Variants in RPH3AL observed in about 807,000 individuals in gnomAD.
RPH3AL encodes the protein rab effector Noc2.
Under a neutral mutation model 43.1 loss-of-function variants are expected in RPH3AL, and 38 were observed. The ratio of observed to expected loss-of-function variants is 0.88; its 90% CI spans 0.68 to 1.15. The LOEUF is 1.15. Among genes scored for constraint, RPH3AL ranks in the 50% most tolerant of loss-of-function variants. RPH3AL has a pLI of 0.00. For synonymous variants in RPH3AL, 189 were observed against 176.3 expected (o/e 1.07, Z -0.57); for missense variants, 462 against 423.2 (o/e 1.09, Z -0.81).
At chr17:332,129 C>A (rs375504212) in intron 2 of RPH3AL, 6 of 346,088 alleles carry the variant, frequency 1.7e-5, no homozygotes, top group East Asian at 1.5e-4. Context: ...GCTGGTGGAG[C>A]TCTGCGGGGA....
intron 5 of RPH3AL, among the ~76,000 whole-genome samples, chr17:314,334 C>A (rs911787760): frequency 1.3e-5 from 2 of 152,140 alleles, no homozygotes; most frequent in Non-Finnish European, 2.9e-5. Flanking sequence ...AGGAAGCACA[C>A]TGCCAGCTCC....
chr17:250,105 A>G (rs1354547116), intron 6 of RPH3AL, among the ~76,000 whole-genome samples: 1 of 143,212 alleles, frequency 7.0e-6, no homozygotes. Flanking sequence ...CAGAGCCTTT[A>G]CTAAGCTCCA....
At chr17:214,071 G>C (rs534152296) in intron 9 of RPH3AL, 148 bp from the exon 10 acceptor site, 2 of 641,680 alleles carry the variant, frequency 3.1e-6, no homozygotes, top group Middle Eastern at 4.2e-4. Flanking sequence ...GCCCGAGCTC[G>C]AGACCAGCAC....
intron 6 of RPH3AL, among the ~76,000 whole-genome samples, chr17:272,995 TGAGACCCCAGCGAGGGCGACATCAGGAA>T (rs1567604533): frequency 0.013 from 436 of 32,630 alleles, 4 homozygotes; most frequent in South Asian, 0.024. Context: ...TACGTCAGGG[TGAGACCCCAGCGAGGGCGACATCAGGAA>T]GAGACCCCAG....
chr17:337,787 C>A lies in RPH3AL; in HGVS notation c.-212-3853G>T, dbSNP rs574079288. On this transcript the variant is annotated intron_variant, in intron 1 of 9. Coordinates refer to ENST00000331302, the MANE Select transcript of RPH3AL (RefSeq NM_006987.4). ...GGGCTGGGCAGGGGTTTTTTTTGTA[C>A]CCCGGCAAGGCCCCTCATGGGGCAC... 2.6e-5 allele frequency among the ~76,000 whole-genome samples: 4 copies of A among 152,308 alleles called. No individual in the cohort carries two copies. The East Asian group carries it at 5.8e-4, about 22-fold the overall frequency.
Position 246,608 on chromosome 17 carries a change from CT to C in RPH3AL, c.613+502del, listed in dbSNP as rs1306750527. On this transcript the variant is annotated intron_variant, in intron 7 of 9. Coordinates refer to ENST00000331302, the MANE Select transcript of RPH3AL (RefSeq NM_006987.4). The surrounding 1 kb of genome is among the most constrained non-coding windows in gnomAD (Gnocchi z 4.8). ...CATCGTTGCCAAGTGGGGCGGCCAC[CT>C]GAGACACACACACCTTACTGTAGCC... Among the ~76,000 whole-genome samples the C allele has an allele frequency of 9.2e-5, 14 of 152,140 alleles. No homozygotes were observed. The highest frequency in any genetic ancestry group is 5.9e-4 in the Admixed American group (9 of 15,268).
At chr17:297,507 C>A (rs553741288) in intron 5 of RPH3AL, among the ~76,000 whole-genome samples, 18 of 152,290 alleles carry the variant, frequency 1.2e-4, no homozygotes, top group African/African-American at 3.9e-4. Flanking sequence ...GGGTAGACAG[C>A]GTCTGAACTG....
chr17:296,505 G>C (rs941259901), intron 5 of RPH3AL, among the ~76,000 whole-genome samples: 23 of 152,200 alleles, frequency 1.5e-4, no homozygotes, highest in Non-Finnish European at 2.5e-4. Context: ...TCCTCACGGG[G>C]CTGGAGGACA....
chr17:242,849 A>AC (rs1261716598), intron 7 of RPH3AL, among the ~76,000 whole-genome samples: 2 of 84,660 alleles, frequency 2.4e-5, no homozygotes, highest in African/African-American at 4.1e-5. Context: ...TCTATTGATT[A>AC]CCTTCCTCTA....
chr17:325,739 G>A (rs540597247), intron 3 of RPH3AL, among the ~76,000 whole-genome samples: 21 of 152,342 alleles, frequency 1.4e-4, no homozygotes, highest in Admixed American at 1.0e-3. Context: ...CCTGTTCACT[G>A]CTGTGCAGTC....
chr17:246,338 G>C lies in RPH3AL; in HGVS notation c.613+773C>G, dbSNP rs537258940. ...CAGACCCTGAGTATTTGGCAGAAAC[G>C]TGAGCACTTCAGAGCAAAAGGACCC... On this transcript the variant is annotated intron_variant, in intron 7 of 9. Coordinates refer to ENST00000331302, the MANE Select transcript of RPH3AL (RefSeq NM_006987.4). The surrounding 1 kb of genome is among the most constrained non-coding windows in gnomAD (Gnocchi z 4.8). Among the ~76,000 whole-genome samples the C allele has an allele frequency of 6.6e-6, 1 of 152,158 alleles. No individual in the cohort carries two copies. Among genetic ancestry groups the C allele is most frequent in the South Asian group, 2.1e-4 (1 of 4,820 alleles).
intron 6 of RPH3AL, among the ~76,000 whole-genome samples, chr17:278,171 A>G (rs1257725665): frequency 6.6e-6 from 1 of 152,068 alleles, no homozygotes; most frequent in African/African-American, 2.4e-5. Flanking sequence ...GGTTCCCTCC[A>G]TACTGTTCTC....
chr17:253,627 C>G (rs1291788083), intron 6 of RPH3AL, among the ~76,000 whole-genome samples: 1 of 152,140 alleles, frequency 6.6e-6, no homozygotes, highest in Non-Finnish European at 1.5e-5. Flanking sequence ...AATAGCTCTC[C>G]TCTGCCCTGG....
intron 5 of RPH3AL, among the ~76,000 whole-genome samples, chr17:299,720 C>T (rs964928974): frequency 6.6e-6 from 1 of 152,350 alleles, no homozygotes; most frequent in East Asian, 1.9e-4. Context: ...GGCACGGGGC[C>T]GCGCCGGACT....
intron 7 of RPH3AL, among the ~76,000 whole-genome samples, chr17:238,453 G>A (rs942672804): frequency 2.6e-5 from 4 of 152,182 alleles, no homozygotes; most frequent in African/African-American, 9.7e-5. Flanking sequence ...AACTGTCCTC[G>A]GCGTTGGAGG....
rs560202465 is a variant in RPH3AL, at chr17:283,213, A to G, written c.352-1359T>C. Among the ~76,000 whole-genome samples the G allele has an allele frequency of 8.7e-4, 132 of 152,236 alleles. No homozygotes were observed. The highest frequency in any genetic ancestry group is 3.1e-3 in the African/African-American group (128 of 41,548). On this transcript the variant is annotated intron_variant, in intron 5 of 9. Coordinates refer to ENST00000331302, the MANE Select transcript of RPH3AL (RefSeq NM_006987.4). This position sits in a 1 kb window ranked among gnomAD's most constrained non-coding sequence, Gnocchi z 4.2. ...GCATCTGTTGCTTGGCCTTTTCTGC[A>G]GGCTGCCAACTCAGCAAGGAGCACG...
In RPH3AL at chr17:323,653, G is replaced by A. The variant is rs559603160; in HGVS notation, c.78-2238C>T. The stretch of plus-strand genomic sequence containing the variant: ...AATGTAGAGAAAGGAAGGGTCCCAG[G>A]AACACACAGAAGGAGGGACAGAAGC... On this transcript the variant is annotated intron_variant, in intron 3 of 9. Coordinates refer to ENST00000331302, the MANE Select transcript of RPH3AL (RefSeq NM_006987.4). The surrounding 1 kb of genome is among the most constrained non-coding windows in gnomAD (Gnocchi z 4.4). Among the ~76,000 whole-genome samples the A allele has an allele frequency of 4.6e-5, 7 of 152,266 alleles. No homozygotes were observed. In the East Asian group the frequency reaches 7.7e-4, roughly 17 times the overall value.
chr17:278,664 C>T (rs1359582664), intron 6 of RPH3AL, among the ~76,000 whole-genome samples: 1 of 152,164 alleles, frequency 6.6e-6, no homozygotes, highest in African/African-American at 2.4e-5. Flanking sequence ...ACCCCTTCTC[C>T]CTTTGCCCTA....
intron 7 of RPH3AL, among the ~76,000 whole-genome samples, chr17:244,917 G>A (rs1041502749): frequency 1.3e-5 from 2 of 152,022 alleles, no homozygotes; most frequent in African/African-American, 2.4e-5. Context: ...AAGCTACTGT[G>A]TGCATGAGTG....
Sources: allele counts gnomAD v4.1 joint callset (sites outside exome capture counted in the v4.1 genomes callset), GRCh38; gene constraint gnomAD v4.1.1; non-coding constraint Gnocchi (gnomAD v3.1); transcripts MANE v1.5; gene names NCBI Gene and HGNC (gene_info 2026-07-23, HGNC 2026-07-21).